Variants in PCDHA5 observed in about 807,000 individuals in gnomAD.
PCDHA5 encodes the protein protocadherin alpha 5.
Under a neutral mutation model 61.6 loss-of-function variants are expected in PCDHA5, and 43 were observed. The observed-to-expected ratio is 0.70, with a 90% CI of 0.55 to 0.90. The LOEUF is 0.90. PCDHA5 is among the 40% of genes least tolerant of loss of function. The pLI is 0.00. For synonymous variants in PCDHA5, 627 were observed against 543.9 expected (o/e 1.15, Z -2.13); for missense variants, 1,298 against 1,222.7 (o/e 1.06, Z -0.92).
chr5:140,928,930 C>T, intron 1 of PCDHA5: 1 of 1,614,108 alleles, frequency 6.2e-7, no homozygotes, highest in Non-Finnish European at 8.5e-7. Context: ...GCTTTCTGCC[C>T]AGAACTTGTA....
intron 1 of PCDHA5, chr5:140,967,975 T>C (rs781819149): frequency 3.2e-5 from 52 of 1,614,016 alleles, no homozygotes; most frequent in African/African-American, 5.3e-5. Context: ...TGAGCCTGGG[T>C]CTGGAGGCCA....
Position 140,823,865 on chromosome 5 carries a change from T to A in PCDHA5, c.2090T>A (p.Val697Glu), listed in dbSNP as rs1554129638. 1.2e-6 allele frequency: 2 copies of A among 1,613,806 alleles called. No individual in the cohort carries two copies. The highest frequency in any genetic ancestry group is 4.5e-5 in the East Asian group (2 of 44,866). ...GPEAALVDVN[V>E]YLIIAICAVS... Reference sequence around the variant, plus strand: ...GAGGCTGCCCTGGTGGATGTCAACGTGTACCTGATCATCGCCATCTGTGCG... The same window carrying A: ...GAGGCTGCCCTGGTGGATGTCAACGAGTACCTGATCATCGCCATCTGTGCG... The change falls in exon 1 of 4, where the codon GTG (valine) becomes GAG (glutamate). Residue 697 changes from valine to glutamate, a missense_variant. By Grantham distance (121) the Val-to-Glu change is moderately radical. Coordinates refer to ENST00000529859, the MANE Select transcript of PCDHA5 (RefSeq NM_018908.3).
chr5:140,850,792 A>C (rs1280178447), intron 1 of PCDHA5: 1 of 1,598,354 alleles, frequency 6.3e-7, no homozygotes, highest in African/African-American at 1.3e-5. Flanking sequence ...GGTAAGCAGA[A>C]GACCGACCTC....
rs2150126052 is a variant in PCDHA5, at chr5:140,823,464, G to T, written c.1689G>T (p.Ala563=). 5.6e-6 allele frequency: 9 copies of T among 1,613,420 alleles called. No homozygotes were observed. In the East Asian group the frequency reaches 1.3e-4, roughly 24 times the overall value. The change falls in exon 1 of 4, where the codon GCG becomes GCT. Residue 563 remains alanine (A), a synonymous_variant. Coordinates refer to ENST00000529859, the MANE Select transcript of PCDHA5 (RefSeq NM_018908.3). ...TGGACGAGAACGACAACGCGCCGGCGCTGCTGGTGCCTCGAGTGGGTGGCA... is the reference window on the plus strand; with the variant it reads ...TGGACGAGAACGACAACGCGCCGGCTCTGCTGGTGCCTCGAGTGGGTGGCA... ...FVLDENDNAP[A]LLVPRVGGTG...
chr5:140,921,953 C>A (rs2080517782), intron 1 of PCDHA5, among the ~76,000 whole-genome samples: 3 of 151,116 alleles, frequency 2.0e-5, no homozygotes, highest in African/African-American at 4.9e-5. Flanking sequence ...TTGTAAAATC[C>A]CAGAAAACCA....
intron 3 of PCDHA5, among the ~76,000 whole-genome samples, chr5:141,000,385 C>CAA (rs1399640915): frequency 2.3e-4 from 15 of 64,992 alleles, no homozygotes; most frequent in African/African-American, 9.7e-4. Context: ...CTCTCTCTCT[C>CAA]TCTCTCTCTC....
chr5:140,947,401 G>A (rs1314695904), intron 1 of PCDHA5, among the ~76,000 whole-genome samples: 1 of 151,652 alleles, frequency 6.6e-6, no homozygotes, highest in Non-Finnish European at 1.5e-5. Flanking sequence ...AAAGTAGACT[G>A]TCTTGATATT....
chr5:140,885,335 A>T (rs183720535), intron 1 of PCDHA5, among the ~76,000 whole-genome samples: 2 of 152,246 alleles, frequency 1.3e-5, no homozygotes, highest in East Asian at 3.9e-4. Context: ...CCAAAGTTTG[A>T]AGGGATTTCC....
At position 141,009,850 on chromosome 5, in the gene PCDHA5, CAAGAAAAAG is replaced by C. The variant is rs782749911; in HGVS notation, c.2739_2747del (p.Lys914_Lys916del). 6.2e-6 allele frequency: 10 copies of C among 1,613,454 alleles called. No individual in the cohort carries two copies. The highest frequency in any genetic ancestry group is 1.7e-5 in the Admixed American group (1 of 59,950). ...TAACCTTCGGCAAAAAGGAGGAGAC[CAAGAAAAAG>C]AAGAAAAAGAAGAAGGGTAACAAGA... is the stretch of plus-strand genomic sequence containing the variant. On this transcript the variant is annotated inframe_deletion, in exon 4 of 4. Coordinates refer to ENST00000529859, the MANE Select transcript of PCDHA5 (RefSeq NM_018908.3).
intron 1 of PCDHA5, chr5:140,877,446 G>T: frequency 6.2e-7 from 1 of 1,613,856 alleles, no homozygotes; most frequent in Non-Finnish European, 8.5e-7. Flanking sequence ...GTGAGCCCGC[G>T]CTGACGTCCA....
At chr5:140,852,582 A>ATT (rs2150518947) in intron 1 of PCDHA5, 15,949 of 691,778 alleles carry the variant, frequency 0.023, 320 homozygotes, top group Middle Eastern at 0.03. Context: ...AGGCTTTTTT[A>ATT]TTTTTTTTTT....
chr5:140,869,205 C>T (rs782278064), intron 1 of PCDHA5: 1 of 1,613,994 alleles, frequency 6.2e-7, no homozygotes, highest in Non-Finnish European at 8.5e-7. Flanking sequence ...TCCACTACTC[C>T]GTCTCGGAGG....
intron 1 of PCDHA5, among the ~76,000 whole-genome samples, chr5:140,905,080 C>G (rs2071583789): frequency 6.6e-6 from 1 of 152,128 alleles, no homozygotes; most frequent in Non-Finnish European, 1.5e-5. Flanking sequence ...GTTGCACTTT[C>G]TTTTGGGTTC....
intron 1 of PCDHA5, chr5:140,863,394 G>A (rs1342756414): frequency 2.2e-6 from 2 of 929,190 alleles, no homozygotes; most frequent in South Asian, 1.3e-5. Context: ...CGTGCATGCC[G>A]GGCAAGCCCA....
intron 1 of PCDHA5, chr5:140,858,501 T>C: frequency 6.8e-7 from 1 of 1,464,942 alleles, no homozygotes; most frequent in Non-Finnish European, 9.4e-7. Context: ...TACCGCATTT[T>C]CTCAAATATG....
intron 1 of PCDHA5, among the ~76,000 whole-genome samples, chr5:140,947,798 A>C (rs1164932467): frequency 7.3e-5 from 11 of 151,710 alleles, no homozygotes; most frequent in African/African-American, 1.9e-4. Context: ...CAGACTTTTA[A>C]TTTGCAGAGA....
chr5:140,985,039 G>A lies in PCDHA5; in HGVS notation c.2500+2476G>A, dbSNP rs112093918. Among the ~76,000 whole-genome samples the A allele has an allele frequency of 5.2e-3, 789 of 152,178 alleles. 6 individuals carry two copies. Among genetic ancestry groups the A allele is most frequent in the African/African-American group, 0.018 (750 of 41,516 alleles). ...AGCAACCTCTGCCTCCTGGGTTCAA[G>A]TGATTCTCCTGCCTCAGCCTCCTGA... On this transcript the variant is annotated intron_variant, in intron 3 of 3. Transcript: ENST00000529859.
Position 141,009,665 on chromosome 5 carries a change from G to T in PCDHA5, c.2539G>T (p.Gly847Cys). 6.2e-7 allele frequency: 1 copy of T among 1,614,022 alleles called. No individual in the cohort carries two copies. Among genetic ancestry groups the T allele is most frequent in the Non-Finnish European group, 8.5e-7 (1 of 1,180,006 alleles). The change falls in exon 4 of 4, where the codon GGT becomes TGT. Residue 847 changes from glycine to cysteine, a missense_variant. By Grantham distance (159) the Gly-to-Cys change is radical (BLOSUM62 -3). Transcript: ENST00000529859. The stretch of plus-strand genomic sequence containing the variant: ...AGAAGTGTCCCCTCCAGTCGGTGCG[G>T]GTGTCAACAGCAACAGCTGGACCTT... ...AGEVSPPVGA[G>C]VNSNSWTFKY...
At chr5:140,881,648 CCTT>C (rs1554172342) in intron 1 of PCDHA5, among the ~76,000 whole-genome samples, 4 of 152,182 alleles carry the variant, frequency 2.6e-5, no homozygotes, top group African/African-American at 9.7e-5. Flanking sequence ...ATATTTTTCA[CCTT>C]CACCGATTTT....
Sources: gnomAD v4.1 joint callset for allele counts (sites outside exome capture counted in the v4.1 genomes callset) on GRCh38, gnomAD v4.1.1 for gene constraint, MANE v1.5 for transcripts, NCBI Gene and HGNC (gene_info 2026-07-23, HGNC 2026-07-21) for gene names.